The following C1orf105 variants were observed in gnomAD, a reference collection of about 807,000 sequenced individuals.
C1orf105 encodes uncharacterized protein C1orf105.
C1orf105 carries 17 observed loss-of-function variants against 20.8 expected under a neutral mutation model. The ratio of observed to expected loss-of-function variants is 0.82; its 90% CI spans 0.56 to 1.23. C1orf105 has a LOEUF of 1.23. Among genes scored for constraint, C1orf105 ranks in the 50% most tolerant of loss-of-function variants. The pLI is 0.00. For synonymous variants in C1orf105, 72 were observed against 72.1 expected (o/e 1.00, Z 0.01); for missense variants, 219 against 213.5 (o/e 1.03, Z -0.16).
intron 2 of C1orf105, 22 bp from the exon 3 acceptor site, chr1:172,448,419 T>C (rs1473188577): frequency 1.3e-6 from 2 of 1,525,720 alleles, no homozygotes; most frequent in Admixed American, 1.7e-5. Flanking sequence ...GGTTCTAACG[T>C]TCTCTTGTTT....
chr1:172,463,414 A>T (rs1253218341), intron 5 of C1orf105, among the ~76,000 whole-genome samples: 2 of 152,172 alleles, frequency 1.3e-5, no homozygotes, highest in Non-Finnish European at 2.9e-5. Context: ...TTTGTTCCAG[A>T]CTCAAATATA....
At chr1:172,440,495 A>C (rs2072186182) in intron 1 of C1orf105, among the ~76,000 whole-genome samples, 1 of 152,222 alleles carries the variant, frequency 6.6e-6, no homozygotes, top group African/African-American at 2.4e-5. Context: ...ACAGATGAAA[A>C]CTGAGACATA....
At chr1:172,442,094 G>A (rs1558132040) in intron 1 of C1orf105, 1 of 1,614,220 alleles carries the variant, frequency 6.2e-7, no homozygotes, top group Non-Finnish European at 8.5e-7. Flanking sequence ...TTCAAGGATA[G>A]TGTGCTGGAT....
At chr1:172,468,236 C>A (rs1650200614) in intron 6 of C1orf105, among the ~76,000 whole-genome samples, 1 of 152,136 alleles carries the variant, frequency 6.6e-6, no homozygotes, top group Non-Finnish European at 1.5e-5. Context: ...GGGGAAAAGG[C>A]AATTTCATTA....
intron 1 of C1orf105, among the ~76,000 whole-genome samples, chr1:172,436,698 A>G (rs2072050509): frequency 1.3e-5 from 2 of 152,364 alleles, no homozygotes; most frequent in Middle Eastern, 3.4e-3. Context: ...CTTCATGACT[A>G]AAACACCAAA....
rs192787813 is a variant in C1orf105 at position 172,460,375 on chromosome 1, C to A, written c.274-1803C>A. 1.8e-3 allele frequency among the ~76,000 whole-genome samples: 273 copies of A among 151,706 alleles called. 1 individual carries two copies. The highest frequency in any genetic ancestry group is 6.4e-3 in the African/African-American group (265 of 41,348). On this transcript the variant is annotated intron_variant, in intron 4 of 6. Transcript: ENST00000367727. ...CCTGCTGACAGTTATGGTTGTGAATCACCAGTGATATTTGCCTTGGTTTTA... is the reference window on the plus strand; with the variant it reads ...CCTGCTGACAGTTATGGTTGTGAATAACCAGTGATATTTGCCTTGGTTTTA...
intron 1 of C1orf105, chr1:172,430,249 C>T (rs1191612858): frequency 1.5e-6 from 1 of 683,600 alleles, no homozygotes; most frequent in East Asian, 2.7e-5. Flanking sequence ...TGAGTAACTT[C>T]CCACCACAAC....
chr1:172,449,679 C>T lies in C1orf105; in HGVS notation c.198+1148C>T, dbSNP rs535975753. On this transcript the variant is annotated intron_variant, in intron 3 of 6. Transcript: ENST00000367727. ...GAGAGGACACATTGAAGGTTTTCAA[C>T]ACCGGAGTTTCAGGGTCCAAGCTTT... Among the ~76,000 whole-genome samples the T allele has an allele frequency of 2.0e-5, 3 of 152,298 alleles. No individual in the cohort carries two copies. In the South Asian group the frequency reaches 6.2e-4, roughly 32 times the overall value.
rs1218087358 is a variant in C1orf105, at chr1:172,448,721, A to G, written c.198+190A>G. ...CTCAAGTGCCTTAGGGTCCCAGTCC[A>G]CTAGAACTAAGAATACAGGCATAAG... On this transcript the variant is annotated intron_variant, in intron 3 of 6. Transcript: ENST00000367727. Among the ~76,000 whole-genome samples the G allele has an allele frequency of 3.3e-5, 5 of 152,106 alleles. No homozygotes were observed. In the East Asian group the frequency reaches 7.7e-4, roughly 23 times the overall value.
intron 1 of C1orf105, among the ~76,000 whole-genome samples, chr1:172,432,937 C>T (rs1291211551): frequency 1.3e-5 from 2 of 152,174 alleles, no homozygotes; most frequent in Non-Finnish European, 2.9e-5. Context: ...CCTGATGGAG[C>T]TGAAAACCAT....
At chr1:172,436,440 C>T (rs1318448394) in intron 1 of C1orf105, among the ~76,000 whole-genome samples, 2 of 152,160 alleles carry the variant, frequency 1.3e-5, no homozygotes, top group South Asian at 2.1e-4. Flanking sequence ...TAACACCACA[C>T]ATCTACAACC....
chr1:172,461,370 TAC>T (rs1649678354), intron 4 of C1orf105, among the ~76,000 whole-genome samples: 2 of 152,244 alleles, frequency 1.3e-5, no homozygotes, highest in Non-Finnish European at 2.9e-5. Context: ...AGTCACTTGG[TAC>T]AAGTCACTTA....
Position 172,445,270 on chromosome 1 carries a change from C to A in C1orf105, c.107+112C>A, listed in dbSNP as rs956915983. The stretch of plus-strand genomic sequence containing the variant: ...AGGGCACATTTGATCCATTGAGAAA[C>A]TCAAGTCAAGTGCTTTAAAAATAGA... On this transcript the variant is annotated intron_variant, in intron 2 of 6. Transcript: ENST00000367727. 11 of 850,914 alleles carry A rather than the reference C, an allele frequency of 1.3e-5. No individual in the cohort carries two copies. The African/African-American group carries it at 1.7e-4, about 13-fold the overall frequency. 52.7% of individuals were successfully genotyped at this position (850,914 alleles called of 1,614,324 possible). A position where few individuals can be genotyped will look rare whatever the true frequency, so the allele number is the denominator to read the frequency against.
intron 3 of C1orf105, among the ~76,000 whole-genome samples, chr1:172,452,153 G>A (rs1226723003): frequency 6.6e-6 from 1 of 152,104 alleles, no homozygotes; most frequent in South Asian, 2.1e-4. Context: ...TTACAAGTAT[G>A]AGCCACCATG....
chr1:172,428,778 T>C, intron 1 of C1orf105: 1 of 698,108 alleles, frequency 1.4e-6, no homozygotes, highest in Non-Finnish European at 2.6e-6. Flanking sequence ...AGAACCTTTG[T>C]CCTTTTTATT....
At chr1:172,448,061 A>C (rs1340037772) in intron 2 of C1orf105, among the ~76,000 whole-genome samples, 1 of 152,268 alleles carries the variant, frequency 6.6e-6, no homozygotes, top group East Asian at 1.9e-4. Context: ...CACAAACTCC[A>C]AGAAGTCAGC....
At chr1:172,444,285 G>C (rs551328156) in intron 1 of C1orf105, 2 of 985,440 alleles carry the variant, frequency 2.0e-6, no homozygotes, top group Admixed American at 6.1e-5. Context: ...TGAAGGACTG[G>C]GTAAGGCAAG....
chr1:172,457,336 G>T (rs1649352923), intron 4 of C1orf105, among the ~76,000 whole-genome samples: 1 of 152,146 alleles, frequency 6.6e-6, no homozygotes, highest in Non-Finnish European at 1.5e-5. Flanking sequence ...GGAAGGTGGG[G>T]CTAAATGTGT....
At chr1:172,439,991 C>T (rs185600797) in intron 1 of C1orf105, among the ~76,000 whole-genome samples, 4 of 152,232 alleles carry the variant, frequency 2.6e-5, no homozygotes, top group East Asian at 1.9e-4. Flanking sequence ...GAAAGCAGTC[C>T]AATTGACCTT....
Sources: allele counts gnomAD v4.1 joint callset (sites outside exome capture counted in the v4.1 genomes callset), GRCh38; gene constraint gnomAD v4.1.1; transcripts MANE v1.5; gene names NCBI Gene and HGNC (gene_info 2026-07-23, HGNC 2026-07-21).